PRKG1: variants seen among roughly 807,000 people sequenced by gnomAD.
PRKG1 encodes cGMP-dependent protein kinase 1.
Under a neutral mutation model 88.1 loss-of-function variants are expected in PRKG1, and 35 were observed. That is an observed-to-expected ratio of 0.40 (90% CI 0.30 to 0.53). The LOEUF is 0.53. Ranked by LOEUF, PRKG1 falls within the 20% of genes least tolerant of loss-of-function variation. The probability of loss-of-function intolerance (pLI) is 0.59; values close to 1 mark genes in which losing one functional copy is unlikely to be tolerated. For missense variants in PRKG1, 540 were observed against 839.8 expected (o/e 0.64, Z 4.41); for synonymous variants, 303 against 292.5 (o/e 1.04, Z -0.37).
intron 4 of PRKG1, among the ~76,000 whole-genome samples, chr10:51,896,185 T>C (rs1841842436): frequency 6.6e-6 from 1 of 152,218 alleles, no homozygotes; most frequent in African/African-American, 2.4e-5. Flanking sequence ...TCTTTGAGTC[T>C]AGACTGAGGT....
chr10:51,685,049 A>T (rs1025177289), intron 3 of PRKG1, among the ~76,000 whole-genome samples: 4 of 152,196 alleles, frequency 2.6e-5, no homozygotes, highest in African/African-American at 9.6e-5. Flanking sequence ...TTGATTTCAT[A>T]AATTTTTCAC....
At chr10:52,109,116 G>A (rs981592845) in intron 7 of PRKG1, among the ~76,000 whole-genome samples, 1 of 152,050 alleles carries the variant, frequency 6.6e-6, no homozygotes, top group Non-Finnish European at 1.5e-5. Context: ...GTGAGCCACT[G>A]CGCCAGGCCT....
chr10:51,305,807 A>G (rs142005512), intron 2 of PRKG1, among the ~76,000 whole-genome samples: 41 of 152,254 alleles, frequency 2.7e-4, no homozygotes, highest in African/African-American at 7.0e-4. Context: ...CTTCCTAGAG[A>G]ATTTGACTTG....
At chr10:52,120,622 G>A (rs573554375) in intron 7 of PRKG1, among the ~76,000 whole-genome samples, 10 of 152,260 alleles carry the variant, frequency 6.6e-5, no homozygotes, top group Non-Finnish European at 1.0e-4. Context: ...AAACCCAGTG[G>A]GGCAAACAAC....
intron 8 of PRKG1, among the ~76,000 whole-genome samples, chr10:52,135,495 A>G (rs1010862651): frequency 1.1e-4 from 17 of 152,138 alleles, no homozygotes; most frequent in Non-Finnish European, 2.2e-4. Context: ...GAGAGGTTAG[A>G]GACAAAATAT....
chr10:51,479,573 C>T (rs1174627851), intron 3 of PRKG1, among the ~76,000 whole-genome samples: 1 of 151,790 alleles, frequency 6.6e-6, no homozygotes, highest in African/African-American at 2.4e-5. Flanking sequence ...ACTCATCTTC[C>T]AATTTTTTTC....
chr10:51,509,614 A>C (rs1841332095), intron 3 of PRKG1, among the ~76,000 whole-genome samples: 2 of 152,146 alleles, frequency 1.3e-5, no homozygotes, highest in Non-Finnish European at 1.5e-5. Context: ...GGGCTTAAGC[A>C]ATCCTCCTGC....
intron 1 of PRKG1, among the ~76,000 whole-genome samples, chr10:51,105,690 T>G (rs1589155984): frequency 6.6e-6 from 1 of 150,722 alleles, no homozygotes; most frequent in Non-Finnish European, 1.5e-5. Context: ...ACATTAAAAT[T>G]TTTTTCCTTT....
intron 3 of PRKG1, among the ~76,000 whole-genome samples, chr10:51,553,157 C>T (rs565879275): frequency 6.6e-6 from 1 of 151,630 alleles, no homozygotes; most frequent in Non-Finnish European, 1.5e-5. Flanking sequence ...CAAAAATCTT[C>T]TTGCTGAGCC....
At chr10:51,243,360 C>T (rs2132128002) in intron 2 of PRKG1, among the ~76,000 whole-genome samples, 1 of 152,262 alleles carries the variant, frequency 6.6e-6, no homozygotes, top group East Asian at 1.9e-4. Flanking sequence ...AAAGCTCAGT[C>T]CCTGGAATAG....
At chr10:51,368,838 C>T (rs79434766) in intron 2 of PRKG1, among the ~76,000 whole-genome samples, 4,134 of 152,072 alleles carry the variant, frequency 0.027, 180 homozygotes, top group African/African-American at 0.094. Context: ...AGCGTAGTGT[C>T]CTCAGTGATT....
At chr10:51,666,832 T>C (rs1004226251) in intron 3 of PRKG1, among the ~76,000 whole-genome samples, 2 of 152,254 alleles carry the variant, frequency 1.3e-5, no homozygotes, top group Admixed American at 6.5e-5. Flanking sequence ...TCTCTCTTTG[T>C]CACCCAGGCT....
chr10:51,575,012 G>A (rs1430865080), intron 3 of PRKG1, among the ~76,000 whole-genome samples: 1 of 151,900 alleles, frequency 6.6e-6, no homozygotes, highest in Non-Finnish European at 1.5e-5. Context: ...TCACTTACAT[G>A]GAATTGGTTG....
intron 4 of PRKG1, among the ~76,000 whole-genome samples, chr10:51,894,889 C>T (rs1318484204): frequency 6.6e-6 from 1 of 152,088 alleles, no homozygotes; most frequent in African/African-American, 2.4e-5. Flanking sequence ...CTTGGCCTGA[C>T]TTCTTATTTG....
intron 7 of PRKG1, among the ~76,000 whole-genome samples, chr10:52,076,311 C>T (rs184467283): frequency 2.2e-4 from 33 of 152,366 alleles, no homozygotes; most frequent in Admixed American, 1.2e-3. Flanking sequence ...AGTCCCAGCA[C>T]TTTGGAAGGC....
chr10:51,650,771 G>T (rs1212493507), intron 3 of PRKG1, among the ~76,000 whole-genome samples: 2 of 152,020 alleles, frequency 1.3e-5, no homozygotes, highest in Non-Finnish European at 2.9e-5. Context: ...GCTGCCTTAG[G>T]CAAGGCTTTC....
chr10:51,697,745 A>G, intron 3 of PRKG1: 2 of 1,614,112 alleles, frequency 1.2e-6, no homozygotes, highest in Non-Finnish European at 1.7e-6. Flanking sequence ...TAAAATCAGG[A>G]TACTCTGCCT....
intron 3 of PRKG1, among the ~76,000 whole-genome samples, chr10:51,590,910 C>A (rs760488711): frequency 1.4e-4 from 22 of 152,156 alleles, no homozygotes; most frequent in Non-Finnish European, 2.2e-4. Context: ...TTATTGAACA[C>A]TTACTTCTGT....
At chr10:51,546,275 ACTT>A (rs996937971) in intron 3 of PRKG1, among the ~76,000 whole-genome samples, 1 of 152,072 alleles carries the variant, frequency 6.6e-6, no homozygotes, top group Non-Finnish European at 1.5e-5. Context: ...CACACAAAAT[ACTT>A]CTTTAATTTT....
Sources: gnomAD v4.1 joint callset for allele counts (sites outside exome capture counted in the v4.1 genomes callset) on GRCh38, gnomAD v4.1.1 for gene constraint, MANE v1.5 for transcripts, NCBI Gene and HGNC (gene_info 2026-07-23, HGNC 2026-07-21) for gene names.